The following XPO1 variants were observed in gnomAD, a reference collection of about 807,000 sequenced individuals.
XPO1 encodes the protein exportin-1.
Under a neutral mutation model 133.3 loss-of-function variants are expected in XPO1, and 5 were observed. That is an observed-to-expected ratio of 0.04 (90% confidence interval 0.02 to 0.08). XPO1 has a LOEUF of 0.08. Among genes scored for constraint, XPO1 ranks in the 10% least tolerant of loss-of-function variants. The probability of loss-of-function intolerance (pLI) is 1.00; values close to 1 mark genes in which losing one functional copy is unlikely to be tolerated. For synonymous variants in XPO1, 419 were observed against 408.2 expected, an observed-to-expected ratio of 1.03 and a Z score of -0.32; for missense variants, 506 against 1,267.5, an observed-to-expected ratio of 0.40 and a Z score of 9.12.
In XPO1 at chr2:61,515,940, CACACACACA is replaced by C. The variant is rs1343598328; in HGVS notation, c.301+6662_301+6670del. On this transcript the variant is annotated intron_variant, in intron 4 of 24. Transcript: ENST00000401558. ...CTACTAAAAAAAAAAAAAAAAACCA[CACACACACA>C]CACACACACACACACACACACACAA... 2.6e-4 allele frequency among the ~76,000 whole-genome samples: 13 copies of C among 49,512 alleles called. No individual in the cohort carries two copies. In the East Asian group the frequency reaches 7.2e-3, roughly 28 times the overall value. The allele number at this position is 49,512 out of a possible 152,430, so 32.5% of individuals were successfully genotyped here.
intron 21 of XPO1, chr2:61,483,544 C>A (rs1696510324): frequency 5.4e-6 from 1 of 184,588 alleles, no homozygotes; most frequent in Non-Finnish European, 1.1e-5. Flanking sequence ...TCCCCAAAAA[C>A]TATTGAAATA....
intron 4 of XPO1, among the ~76,000 whole-genome samples, chr2:61,519,528 T>C (rs1359676558): frequency 1.4e-5 from 2 of 143,182 alleles, no homozygotes; most frequent in Non-Finnish European, 3.0e-5. Flanking sequence ...AAACCATCTC[T>C]ACTAAAAAAA....
chr2:61,528,362 C>T (rs983804966), intron 2 of XPO1, among the ~76,000 whole-genome samples: 2 of 151,940 alleles, frequency 1.3e-5, no homozygotes, highest in African/African-American at 4.8e-5. Flanking sequence ...AGGCTGGGCA[C>T]GGTGGCTTAC....
intron 17 of XPO1, among the ~76,000 whole-genome samples, chr2:61,490,441 C>T (rs997175557): frequency 3.3e-5 from 5 of 152,052 alleles, no homozygotes; most frequent in African/African-American, 9.7e-5. Flanking sequence ...TCAGGTGATC[C>T]GCCCGCCTCG....
intron 11 of XPO1, chr2:61,494,668 G>T (rs1334786587): frequency 6.6e-6 from 1 of 152,380 alleles, no homozygotes; most frequent in Non-Finnish European, 1.5e-5. Context: ...CTGTTTTAGG[G>T]GTAAAGGGTC....
At chr2:61,526,166 T>C (rs915169061) in intron 3 of XPO1, 15 of 1,285,470 alleles carry the variant, frequency 1.2e-5, no homozygotes, top group African/African-American at 1.5e-5. Context: ...TGTATACATA[T>C]ACTAAAAAGA....
Position 61,537,641 on chromosome 2 carries a change from G to C in XPO1, c.-86C>G, listed in dbSNP as rs1291582174. On this transcript the variant is annotated 5_prime_UTR_variant, in exon 1 of 25. Coordinates refer to ENST00000401558, the MANE Select transcript of XPO1 (RefSeq NM_003400.4). ...AAGGTGGGGAGGGGGGAGAGGGGACGAATCAAGGTGGGTTTCAGTTTTCCC... is the reference window on the plus strand; with the variant it reads ...AAGGTGGGGAGGGGGGAGAGGGGACCAATCAAGGTGGGTTTCAGTTTTCCC... 1.3e-5 allele frequency: 2 copies of C among 151,850 alleles called. No individual in the cohort carries two copies. Among genetic ancestry groups the C allele is most frequent in the East Asian group, 3.8e-4 (2 of 5,268 alleles). The allele number at this position is 151,850 out of a possible 1,614,324, so 9.4% of individuals were successfully genotyped here. A position where few individuals can be genotyped will look rare whatever the true frequency, so the allele number is the denominator to read the frequency against.
At chr2:61,489,648 A>G (rs1281359696) in intron 17 of XPO1, among the ~76,000 whole-genome samples, 2 of 147,854 alleles carry the variant, frequency 1.4e-5, no homozygotes, top group African/African-American at 2.5e-5. Flanking sequence ...TCTGCCTCCC[A>G]GGTTCACGCC....
At chr2:61,483,128 G>T in intron 21 of XPO1, 37 bp from the exon 22 acceptor site, 2 of 1,589,414 alleles carry the variant, frequency 1.3e-6, no homozygotes, top group Non-Finnish European at 1.7e-6. Flanking sequence ...AGTTACTACA[G>T]ACTGACAGCA....
intron 4 of XPO1, among the ~76,000 whole-genome samples, chr2:61,519,723 A>AAAC (rs1298046130): frequency 2.8e-5 from 4 of 144,310 alleles, no homozygotes; most frequent in African/African-American, 1.0e-4. Flanking sequence ...AAAAAAAAAA[A>AAAC]CACCACGTAA....
At position 61,482,397 on chromosome 2, in the gene XPO1, G is replaced by A. The variant is rs764252762; in HGVS notation, c.2955C>T (p.Ala985=). The A allele has an allele frequency of 1.2e-6, 2 of 1,609,434 alleles. No individual in the cohort carries two copies. Among genetic ancestry groups the A allele is most frequent in the Non-Finnish European group, 1.7e-6 (2 of 1,178,638 alleles). The change falls in exon 23 of 25, where the codon GCC becomes GCT. Residue 985 remains alanine, a synonymous_variant. Transcript: ENST00000401558. ...QEYVANLLKS[A]FPHLQDAQVK... ...ATATTTACTCTTGTAGGTGAGGGAA[G>A]GCCGACTTAAGGAGATTAGCCACAT...
At chr2:61,519,989 C>T (rs1374023064) in intron 4 of XPO1, among the ~76,000 whole-genome samples, 1 of 152,058 alleles carries the variant, frequency 6.6e-6, no homozygotes, top group African/African-American at 2.4e-5. Context: ...TCCTCTTTTA[C>T]ATGTGTTTTG....
chr2:61,516,573 C>T (rs780800230), intron 4 of XPO1, among the ~76,000 whole-genome samples: 10 of 152,032 alleles, frequency 6.6e-5, no homozygotes, highest in Non-Finnish European at 1.3e-4. Flanking sequence ...CGCCACCACG[C>T]CTGGCTAATT....
chr2:61,482,262 T>TC, intron 23 of XPO1, 118 bp downstream of exon 23: 1 of 817,032 alleles, frequency 1.2e-6, no homozygotes, highest in Non-Finnish European at 1.7e-6. Context: ...TAGGTTGGTC[T>TC]CCAACTTTTG....
chr2:61,525,326 T>C, intron 3 of XPO1: 1 of 986,692 alleles, frequency 1.0e-6, no homozygotes, highest in Non-Finnish European at 1.2e-6. Context: ...AAGACACCCC[T>C]TTTCTTCCTA....
At chr2:61,522,811 A>T (rs1698755673) in intron 3 of XPO1, 128 bp from the exon 4 acceptor site, 13 of 672,924 alleles carry the variant, frequency 1.9e-5, no homozygotes, top group Non-Finnish European at 2.8e-5. Flanking sequence ...TACCAAGTTT[A>T]ATTACACATA....
At chr2:61,496,283 C>G (rs368730526) in intron 10 of XPO1, among the ~76,000 whole-genome samples, 2 of 152,144 alleles carry the variant, frequency 1.3e-5, no homozygotes, top group East Asian at 3.8e-4. Flanking sequence ...GTGACCATAG[C>G]TCATTTTAAC....
intron 6 of XPO1, among the ~76,000 whole-genome samples, chr2:61,500,668 G>A (rs974285110): frequency 6.6e-6 from 1 of 151,800 alleles, no homozygotes; most frequent in Non-Finnish European, 1.5e-5. Context: ...GGGTGGTGGC[G>A]CGGGCCAGTA....
intron 4 of XPO1, among the ~76,000 whole-genome samples, chr2:61,503,044 C>A (rs1443949459): frequency 3.3e-5 from 5 of 150,918 alleles, no homozygotes; most frequent in Non-Finnish European, 7.4e-5. Context: ...TGGCTCCCTG[C>A]AACCTCTGCC....
Sources: allele counts gnomAD v4.1 joint callset (sites outside exome capture counted in the v4.1 genomes callset), GRCh38; gene constraint gnomAD v4.1.1; transcripts MANE v1.5; gene names NCBI Gene and HGNC (gene_info 2026-07-23, HGNC 2026-07-21).